LCLAT1: variants seen among roughly 807,000 people sequenced by gnomAD.
LCLAT1 encodes the protein 1-AGP acyltransferase 8.
A neutral mutation model predicts 30.7 loss-of-function variants in LCLAT1; 11 were observed. The observed-to-expected ratio is 0.36, with a 90% CI of 0.23 to 0.59. The LOEUF (loss-of-function observed/expected upper bound fraction) is 0.59. Among genes scored for constraint, LCLAT1 ranks in the 20% least tolerant of loss-of-function variants. The probability of loss-of-function intolerance (pLI) is 0.77; values close to 1 mark genes in which losing one functional copy is unlikely to be tolerated. For missense variants in LCLAT1, 402 were observed against 458.6 expected, an observed-to-expected ratio of 0.88 and a Z score of 1.13; for synonymous variants, 155 against 151.3, an observed-to-expected ratio of 1.02 and a Z score of -0.18.
At chr2:30,612,964 G>A (rs1293879269) in intron 5 of LCLAT1, among the ~76,000 whole-genome samples, 1 of 152,150 alleles carries the variant, frequency 6.6e-6, no homozygotes, top group East Asian at 1.9e-4. Context: ...AGATGATGGG[G>A]CTTACAGAGA....
chr2:30,637,568 T>C (rs1382638181), intron 5 of LCLAT1, among the ~76,000 whole-genome samples: 1 of 152,098 alleles, frequency 6.6e-6, no homozygotes, highest in Non-Finnish European at 1.5e-5. Context: ...CATGGGCTTC[T>C]GACTACTGGC....
At chr2:30,495,369 C>T (rs993824076) in intron 1 of LCLAT1, among the ~76,000 whole-genome samples, 2 of 151,984 alleles carry the variant, frequency 1.3e-5, no homozygotes, top group Non-Finnish European at 1.5e-5. Flanking sequence ...CCAAAGCCCC[C>T]CTTTCATAAT....
At chr2:30,506,069 C>T (rs1461767991) in intron 1 of LCLAT1, among the ~76,000 whole-genome samples, 2 of 152,074 alleles carry the variant, frequency 1.3e-5, no homozygotes, top group Non-Finnish European at 2.9e-5. Context: ...TGAAGTTTGG[C>T]CCCATTCTGC....
At chr2:30,580,728 C>G (rs1666176677) in intron 5 of LCLAT1, among the ~76,000 whole-genome samples, 1 of 152,074 alleles carries the variant, frequency 6.6e-6, no homozygotes, top group African/African-American at 2.4e-5. Context: ...GAGCAGAAAT[C>G]AGGTTAAGAG....
At chr2:30,627,474 A>G (rs568152536) in intron 5 of LCLAT1, among the ~76,000 whole-genome samples, 11 of 152,288 alleles carry the variant, frequency 7.2e-5, no homozygotes, top group African/African-American at 9.6e-5. Flanking sequence ...TTATGTTCGC[A>G]GGCTAGCTGC....
intron 4 of LCLAT1, among the ~76,000 whole-genome samples, chr2:30,566,641 A>T (rs1665494959): frequency 1.3e-5 from 2 of 152,114 alleles, no homozygotes; most frequent in Non-Finnish European, 2.9e-5. Flanking sequence ...TTTTCTTGTG[A>T]CTTGGAATAA....
At chr2:30,584,328 G>A (rs953792940) in intron 5 of LCLAT1, among the ~76,000 whole-genome samples, 1 of 152,092 alleles carries the variant, frequency 6.6e-6, no homozygotes, top group Non-Finnish European at 1.5e-5. Flanking sequence ...CGCACTCAAT[G>A]CATCTAGCCA....
intron 1 of LCLAT1, among the ~76,000 whole-genome samples, chr2:30,495,243 T>G (rs921001423): frequency 1.3e-5 from 2 of 152,146 alleles, no homozygotes; most frequent in Admixed American, 6.5e-5. Flanking sequence ...ACATTCTGTT[T>G]ATCGGTGTTC....
chr2:30,469,058 A>G (rs938586181), intron 1 of LCLAT1, among the ~76,000 whole-genome samples: 1 of 152,140 alleles, frequency 6.6e-6, no homozygotes, highest in Non-Finnish European at 1.5e-5. Flanking sequence ...TTTTCTTTGG[A>G]GAAATATCTA....
In LCLAT1 at chr2:30,568,081, A is replaced by C; in HGVS notation, c.533A>C (p.Asn178Thr). 6.3e-7 allele frequency: 1 copy of C among 1,580,094 alleles called. No individual in the cohort carries two copies. Among genetic ancestry groups the C allele is most frequent in the East Asian group, 2.3e-5 (1 of 44,268 alleles). ...TTAGAAAACAGCAAGTCTCGAAGTA[A>C]TGCATTTGCTGAAAAAAATGGACTT... is the stretch of plus-strand genomic sequence containing the variant. ...DLTENSKSRS[N>T]AFAEKNGLQK... is the part of the protein sequence containing the mutation. The change falls in exon 5 of 6, where the codon AAT (asparagine) becomes ACT (threonine). Residue 178 changes from asparagine to threonine, a missense_variant. Transcript: ENST00000379509.
chr2:30,483,849 G>A (rs1683437068), intron 1 of LCLAT1, among the ~76,000 whole-genome samples: 2 of 152,148 alleles, frequency 1.3e-5, no homozygotes, highest in Non-Finnish European at 2.9e-5. Flanking sequence ...GAATGGGAAC[G>A]AGTACTGAAC....
chr2:30,516,566 C>T (rs1362536615), intron 1 of LCLAT1, among the ~76,000 whole-genome samples: 1 of 152,206 alleles, frequency 6.6e-6, no homozygotes, highest in Non-Finnish European at 1.5e-5. Flanking sequence ...AGAGCTATAA[C>T]ACTCCCCTCG....
intron 3 of LCLAT1, among the ~76,000 whole-genome samples, chr2:30,542,768 G>T (rs1270870185): frequency 6.6e-6 from 1 of 151,942 alleles, no homozygotes; most frequent in East Asian, 1.9e-4. Flanking sequence ...TTTTGGAGTT[G>T]TTTTAAGTTT....
At chr2:30,452,561 A>G (rs977338122) in intron 1 of LCLAT1, among the ~76,000 whole-genome samples, 1 of 152,204 alleles carries the variant, frequency 6.6e-6, no homozygotes, top group Non-Finnish European at 1.5e-5. Flanking sequence ...AGTGTAATCT[A>G]AGTTTTGATC....
chr2:30,627,354 A>C (rs1444877662), intron 5 of LCLAT1, among the ~76,000 whole-genome samples: 1 of 151,902 alleles, frequency 6.6e-6, no homozygotes, highest in Non-Finnish European at 1.5e-5. Flanking sequence ...TCCCCACTTA[A>C]GTTTCGATTT....
chr2:30,502,774 G>A (rs1572535942), intron 1 of LCLAT1, among the ~76,000 whole-genome samples: 1 of 152,092 alleles, frequency 6.6e-6, no homozygotes, highest in Non-Finnish European at 1.5e-5. Flanking sequence ...TTCAACAAGT[G>A]AAGTCTATTT....
At chr2:30,505,262 T>C (rs1684599408) in intron 1 of LCLAT1, among the ~76,000 whole-genome samples, 1 of 152,122 alleles carries the variant, frequency 6.6e-6, no homozygotes, top group South Asian at 2.1e-4. Context: ...GGTATACCAC[T>C]TGATACTCCC....
At chr2:30,613,245 TG>T (rs2148507452) in intron 5 of LCLAT1, among the ~76,000 whole-genome samples, 1 of 152,140 alleles carries the variant, frequency 6.6e-6, no homozygotes, top group Admixed American at 6.5e-5. Flanking sequence ...GGGCAGCCAC[TG>T]GGGAGAAGGG....
chr2:30,585,766 G>A (rs548720935), intron 5 of LCLAT1, among the ~76,000 whole-genome samples: 6 of 152,210 alleles, frequency 3.9e-5, no homozygotes, highest in African/African-American at 1.4e-4. Flanking sequence ...TGTTGCTCTT[G>A]GGTGGCACAC....
Sources: gnomAD v4.1 joint callset for allele counts (sites outside exome capture counted in the v4.1 genomes callset) on GRCh38, gnomAD v4.1.1 for gene constraint, MANE v1.5 for transcripts, NCBI Gene and HGNC (gene_info 2026-07-23, HGNC 2026-07-21) for gene names.